The following SORCS1 variants were observed in gnomAD, a reference collection of about 807,000 sequenced individuals.
SORCS1 encodes VPS10 domain-containing receptor SorCS1.
A neutral mutation model predicts 146.1 loss-of-function variants in SORCS1; 60 were observed. That is an observed-to-expected ratio of 0.41 (90% confidence interval 0.33 to 0.51). SORCS1 has a LOEUF of 0.51. Ranked by LOEUF, SORCS1 falls within the 20% of genes least tolerant of loss-of-function variation. The pLI is 0.21. For synonymous variants in SORCS1, 637 were observed against 584.0 expected (o/e 1.09, Z -1.31); for missense variants, 1,352 against 1,487.6 (o/e 0.91, Z 1.50).
chr10:106,589,099 GA>G (rs1359493942), intron 24 of SORCS1, among the ~76,000 whole-genome samples: 1 of 152,142 alleles, frequency 6.6e-6, no homozygotes, highest in Non-Finnish European at 1.5e-5. Flanking sequence ...TGCTTTGAGG[GA>G]ACTAGTCAGC....
intron 3 of SORCS1, among the ~76,000 whole-genome samples, chr10:106,814,611 T>A (rs1222979980): frequency 6.6e-6 from 1 of 152,162 alleles, no homozygotes; most frequent in Non-Finnish European, 1.5e-5. Context: ...TATACTATGT[T>A]GTAAATATAC....
intron 4 of SORCS1, among the ~76,000 whole-genome samples, chr10:106,772,926 A>G (rs1020947340): frequency 6.6e-6 from 1 of 152,180 alleles, no homozygotes; most frequent in Admixed American, 6.5e-5. Flanking sequence ...AGTCACATGC[A>G]CTGAAGGAGA....
At chr10:107,164,938 CT>C (rs561997566), upstream of SORCS1, among the ~76,000 whole-genome samples, 455 of 149,758 alleles carry the variant, frequency 3.0e-3, 5 homozygotes, top group African/African-American at 0.01. The surrounding 1 kb of genome is among the most constrained non-coding windows in gnomAD (Gnocchi z 6.8). Context: ...GCCGCCGCCT[CT>C]CCCCGCCGCC....
chr10:107,067,147 T>C (rs1008480847), intron 1 of SORCS1, among the ~76,000 whole-genome samples: 1 of 152,208 alleles, frequency 6.6e-6, no homozygotes, highest in Non-Finnish European at 1.5e-5. Flanking sequence ...GATTTTGATG[T>C]CATTTTTCCT....
intron 2 of SORCS1, among the ~76,000 whole-genome samples, chr10:106,875,406 T>G (rs559799507): frequency 2.6e-5 from 4 of 152,212 alleles, no homozygotes; most frequent in Non-Finnish European, 5.9e-5. Context: ...CAATTGTGAA[T>G]TGAGCTGCAA....
intron 1 of SORCS1, among the ~76,000 whole-genome samples, chr10:107,046,854 A>G (rs1285966766): frequency 6.6e-6 from 1 of 152,246 alleles, no homozygotes; most frequent in Admixed American, 6.5e-5. Context: ...GGTATGAAAG[A>G]GCATAAAGCA....
intron 1 of SORCS1, among the ~76,000 whole-genome samples, chr10:107,127,754 G>T (rs978364055): frequency 1.3e-5 from 2 of 152,212 alleles, no homozygotes; most frequent in Admixed American, 6.5e-5. Context: ...AGCCTTACCA[G>T]ATTTCTTCCA....
chr10:107,054,753 C>A (rs1960438563), intron 1 of SORCS1, among the ~76,000 whole-genome samples: 1 of 152,158 alleles, frequency 6.6e-6, no homozygotes, highest in Non-Finnish European at 1.5e-5. Flanking sequence ...TAGCCAACAA[C>A]CAGAGTTGTC....
intron 2 of SORCS1, among the ~76,000 whole-genome samples, chr10:106,836,780 G>A (rs1240520837): frequency 6.6e-6 from 1 of 152,028 alleles, no homozygotes; most frequent in East Asian, 1.9e-4. Context: ...AAGGATCTAT[G>A]AGGAAAAGAA....
At chr10:106,769,936 T>C (rs1469090729) in intron 4 of SORCS1, among the ~76,000 whole-genome samples, 1 of 151,902 alleles carries the variant, frequency 6.6e-6, no homozygotes, top group Non-Finnish European at 1.5e-5. Flanking sequence ...ACTAAAAAAA[T>C]GCAAAAATTA....
At chr10:106,588,391 G>A (rs2133250196) in intron 24 of SORCS1, among the ~76,000 whole-genome samples, 1 of 152,198 alleles carries the variant, frequency 6.6e-6, no homozygotes, top group African/African-American at 2.4e-5. Flanking sequence ...TTTAATTCAT[G>A]CTTCTGTTTT....
intron 1 of SORCS1, among the ~76,000 whole-genome samples, chr10:107,157,279 G>A (rs562316775): frequency 2.6e-5 from 4 of 152,170 alleles, no homozygotes; most frequent in Admixed American, 6.5e-5. Flanking sequence ...AGGCTAGGGT[G>A]CAGCTGTGTT....
chr10:106,850,187 C>T (rs1589547834), intron 2 of SORCS1, among the ~76,000 whole-genome samples: 1 of 151,836 alleles, frequency 6.6e-6, no homozygotes, highest in South Asian at 2.1e-4. Flanking sequence ...CCCCCAGCCT[C>T]GCTGCCGCCT....
intron 5 of SORCS1, among the ~76,000 whole-genome samples, chr10:106,742,976 C>T (rs1452391114): frequency 6.6e-6 from 1 of 152,094 alleles, no homozygotes; most frequent in Non-Finnish European, 1.5e-5. Context: ...AAAGGCTGTG[C>T]CAGTTTGCTT....
rs1367531973 is a variant in SORCS1, at chr10:106,919,449, A to G, written c.626+37064T>C. On this transcript the variant is annotated intron_variant, in intron 2 of 25. Transcript: ENST00000263054. Reference sequence around the variant, plus strand: ...GGAATATGGTCTGCCTGGGAAGAGGATGTTTACTGGGACCCCTGTCCAGGA... The same window carrying G: ...GGAATATGGTCTGCCTGGGAAGAGGGTGTTTACTGGGACCCCTGTCCAGGA... Among the ~76,000 whole-genome samples, 6 of 152,128 alleles carry G rather than the reference A, an allele frequency of 3.9e-5. No homozygotes were observed. The East Asian group carries it at 9.7e-4, about 25-fold the overall frequency.
chr10:106,583,701 G>A (rs959923356), intron 24 of SORCS1, among the ~76,000 whole-genome samples: 3 of 151,848 alleles, frequency 2.0e-5, no homozygotes, highest in African/African-American at 7.3e-5. Context: ...GTAGAGATGG[G>A]GTTTCACCAT....
chr10:107,006,103 G>C (rs1957431804), intron 1 of SORCS1, among the ~76,000 whole-genome samples: 1 of 152,080 alleles, frequency 6.6e-6, no homozygotes, highest in East Asian at 1.9e-4. Context: ...ATTAGATTTT[G>C]AGTTATTTGA....
chr10:106,628,555 A>G (rs1848240404), intron 19 of SORCS1, among the ~76,000 whole-genome samples: 3 of 152,242 alleles, frequency 2.0e-5, no homozygotes, highest in Admixed American at 2.0e-4. Flanking sequence ...TTATTGTCTC[A>G]TCATACTTAC....
At chr10:106,889,414 A>T (rs1951132756) in intron 2 of SORCS1, among the ~76,000 whole-genome samples, 1 of 152,126 alleles carries the variant, frequency 6.6e-6, no homozygotes, top group East Asian at 1.9e-4. Context: ...CTCACACCAT[A>T]CACCATCCAT....
Sources: gnomAD v4.1 joint callset for allele counts (sites outside exome capture counted in the v4.1 genomes callset) on GRCh38, gnomAD v4.1.1 for gene constraint, Gnocchi (gnomAD v3.1) non-coding constraint, MANE v1.5 for transcripts, NCBI Gene and HGNC (gene_info 2026-07-23, HGNC 2026-07-21) for gene names.